Variants in TEX11 observed in about 807,000 individuals in gnomAD.
TEX11 encodes testis-expressed protein 11.
In TEX11, 7 loss-of-function variants were observed where a neutral mutation model predicts 84.4. That is an observed-to-expected ratio of 0.08 (90% CI 0.05 to 0.16). TEX11 has a LOEUF of 0.16. Among genes scored for constraint, TEX11 ranks in the 10% least tolerant of loss-of-function variants. The pLI is 1.00. For missense variants in TEX11, 551 were observed against 660.5 expected (o/e 0.83, Z 1.82); for synonymous variants, 264 against 222.8 (o/e 1.18, Z -1.64).
At chrX:70,864,698 T>C (rs2091588887) in intron 4 of TEX11, among the ~76,000 whole-genome samples, 1 of 98,151 alleles carries the variant, frequency 1.0e-5, no homozygotes, top group Non-Finnish European at 2.0e-5. Context: ...GCCGAGATCA[T>C]GCCACTGCAC....
intron 2 of TEX11, chrX:70,897,715 GAAAGAAAGAAAGAAAGAAAGAAAA>G (rs2091780718): frequency 1.0e-5 from 1 of 100,212 alleles, no homozygotes; most frequent in Admixed American, 1.1e-4. Flanking sequence ...AAGAAAGAAA[GAAAGAAAGAAAGAAAGAAAGAAAA>G]GAGACAAGAG....
At position 70,694,332 on chromosome X, in the gene TEX11, C is replaced by T. The variant is rs139240663; in HGVS notation, c.1005-11507G>A. ...TGCTGCTATTACAAGCGTGAGCCAC[C>T]GTGCCTGGCCTGAAAGGAGTTTCTA... On this transcript the variant is annotated intron_variant, in intron 13 of 29. Transcript: ENST00000374333. 2.8e-3 allele frequency among the ~76,000 whole-genome samples: 316 copies of T among 111,362 alleles called. 2 individuals are homozygous for T. Among genetic ancestry groups the T allele is most frequent in the African/African-American group, 9.5e-3 (290 of 30,657 alleles).
intron 25 of TEX11, among the ~76,000 whole-genome samples, chrX:70,577,514 A>G (rs2088691314): frequency 1.8e-5 from 2 of 111,385 alleles, no homozygotes; most frequent in African/African-American, 6.5e-5. Context: ...CACAGGAATA[A>G]AAGTAAAACT....
At chrX:70,763,920 A>G (rs1282901459) in intron 9 of TEX11, among the ~76,000 whole-genome samples, 1 of 112,271 alleles carries the variant, frequency 8.9e-6, no homozygotes, top group East Asian at 2.8e-4. Context: ...TCGGCATTGG[A>G]CAGATCTTCC....
intron 2 of TEX11, among the ~76,000 whole-genome samples, chrX:70,902,786 C>T (rs28857801): frequency 0.094 from 10,356 of 110,250 alleles, 619 homozygotes; most frequent in Admixed American, 0.29. Flanking sequence ...GTGATCTGCC[C>T]GCCTCAACCT....
chrX:70,623,832 C>A, intron 20 of TEX11, 118 bp downstream of exon 20: 1 of 564,695 alleles, frequency 1.8e-6, no homozygotes. Flanking sequence ...GAAGACTGGC[C>A]CCAAAACCTG....
intron 2 of TEX11, 115 bp from the exon 3 acceptor site, chrX:70,880,224 A>AAGTTC: frequency 4.4e-6 from 2 of 458,395 alleles, no homozygotes; most frequent in Non-Finnish European, 6.5e-6. Context: ...GCATGAAGGA[A>AAGTTC]CTTGATCCTT....
At position 70,695,865 on chromosome X, in the gene TEX11, G is replaced by C. The variant is rs144390807; in HGVS notation, c.1005-13040C>G. ...TGGAGTTAGTTTCATAGAAAACAAA[G>C]AGTATGTTTGCCAAATATAGCAAAT... On this transcript the variant is annotated intron_variant, in intron 13 of 29. Coordinates refer to ENST00000374333, the MANE Select transcript of TEX11 (RefSeq NM_031276.3). Among the ~76,000 whole-genome samples the C allele has an allele frequency of 3.2e-4, 36 of 111,859 alleles. No homozygotes were observed. In the East Asian group the frequency reaches 9.2e-3, roughly 29 times the overall value.
chrX:70,727,248 T>C (rs2090606521), intron 11 of TEX11, among the ~76,000 whole-genome samples: 1 of 111,674 alleles, frequency 9.0e-6, no homozygotes, highest in Non-Finnish European at 1.9e-5. Flanking sequence ...GCTCTGTCTA[T>C]CATGGCAGGC....
chrX:70,512,404 C>T, the TEX11 span, among the ~76,000 whole-genome samples: 59 of 107,111 alleles, frequency 5.5e-4, 1 homozygote, highest in African/African-American at 2.8e-4. Context: ...TTTTTAGTAG[C>T]GACGGGGTTT....
At chrX:70,518,992 G>C in the TEX11 span, among the ~76,000 whole-genome samples, 6 of 110,930 alleles carry the variant, frequency 5.4e-5, no homozygotes, top group East Asian at 1.7e-3. Context: ...CTTTTATTTT[G>C]TGCCTATGTG....
chrX:70,595,185 G>C (rs2088988905), intron 24 of TEX11, among the ~76,000 whole-genome samples: 1 of 111,136 alleles, frequency 9.0e-6, no homozygotes, highest in Non-Finnish European at 1.9e-5. Context: ...GGATTCAAGT[G>C]ATTCTCCTGC....
chrX:70,823,703 T>C (rs1227609563), intron 8 of TEX11, among the ~76,000 whole-genome samples: 1 of 111,368 alleles, frequency 9.0e-6, no homozygotes, highest in Non-Finnish European at 1.9e-5. Context: ...TAGAAAGAGT[T>C]AACCATCAAA....
intron 9 of TEX11, among the ~76,000 whole-genome samples, chrX:70,789,829 T>C (rs1409927865): frequency 8.9e-6 from 1 of 112,296 alleles, no homozygotes; most frequent in African/African-American, 3.2e-5. Context: ...ACGTCTACAC[T>C]TCTGGGTTCA....
rs905072381 is a variant in TEX11 at position 70,629,768 on chromosome X, T to C, written c.1484-33A>G. On this transcript the variant is annotated intron_variant, in intron 17 of 29. Transcript: ENST00000374333. Reference sequence around the variant, plus strand: ...ACAAGAAAAAAATTCAAAAATGATATACTCTAATCAAAGAAATTACATATC... The same window carrying C: ...ACAAGAAAAAAATTCAAAAATGATACACTCTAATCAAAGAAATTACATATC... 11 of 989,339 alleles carry C rather than the reference T, an allele frequency of 1.1e-5. No homozygotes were observed. In the African/African-American group the frequency reaches 2.0e-4, roughly 18 times the overall value. 81.5% of individuals were successfully genotyped at this position (989,339 alleles called of 1,213,427 possible).
At chrX:70,846,664 C>T (rs1284397178) in intron 7 of TEX11, among the ~76,000 whole-genome samples, 1 of 111,810 alleles carries the variant, frequency 8.9e-6, no homozygotes, top group Admixed American at 9.5e-5. Flanking sequence ...TCGCTCACGC[C>T]TGTAATCCCA....
chrX:70,514,284 A>G, the TEX11 span, among the ~76,000 whole-genome samples: 12 of 109,536 alleles, frequency 1.1e-4, 1 homozygote, highest in Non-Finnish European at 1.7e-4. Context: ...ATAGCCCTCT[A>G]CAGAGTTTTG....
At chrX:70,885,295 C>A (rs1417011521) in intron 2 of TEX11, among the ~76,000 whole-genome samples, 1 of 111,483 alleles carries the variant, frequency 9.0e-6, no homozygotes, top group East Asian at 2.8e-4. Context: ...AACAAAGGAA[C>A]AAGATAATCT....
chrX:70,763,512 C>T (rs1022187314), intron 9 of TEX11, among the ~76,000 whole-genome samples: 6 of 109,430 alleles, frequency 5.5e-5, no homozygotes, highest in East Asian at 2.8e-4. Flanking sequence ...GCTTAGGTGT[C>T]GGGTATGCCA....
Sources: gnomAD v4.1 joint callset for allele counts (sites outside exome capture counted in the v4.1 genomes callset) on GRCh38, gnomAD v4.1.1 for gene constraint, MANE v1.5 for transcripts, NCBI Gene and HGNC (gene_info 2026-07-23, HGNC 2026-07-21) for gene names.